Variants in PLPPR1 observed in about 807,000 individuals in gnomAD.
The protein encoded by PLPPR1 is phospholipid phosphatase-related protein type 1.
In PLPPR1, 10 loss-of-function variants were observed where a neutral mutation model predicts 33.1. The observed-to-expected ratio is 0.30, with a 90% CI of 0.19 to 0.51. The LOEUF (loss-of-function observed/expected upper bound fraction) is 0.51. Among genes scored for constraint, PLPPR1 ranks in the 20% least tolerant of loss-of-function variants. The pLI is 0.97. For synonymous variants in PLPPR1, 151 were observed against 151.0 expected, an observed-to-expected ratio of 1.00 and a Z score of 0.00; for missense variants, 304 against 408.1, an observed-to-expected ratio of 0.74 and a Z score of 2.20.
intron 1 of PLPPR1, among the ~76,000 whole-genome samples, chr9:101,148,411 G>A (rs1419624799): frequency 6.6e-6 from 1 of 152,176 alleles, no homozygotes; most frequent in Non-Finnish European, 1.5e-5. Context: ...GACCTGGAAT[G>A]TAGATCCTCC....
chr9:101,204,678 A>C (rs1293457290), intron 2 of PLPPR1, among the ~76,000 whole-genome samples: 1 of 152,112 alleles, frequency 6.6e-6, no homozygotes, highest in Non-Finnish European at 1.5e-5. Flanking sequence ...ATGGATTTCT[A>C]AGCTTCTCTA....
rs942131671 is a variant in PLPPR1 at position 101,153,628 on chromosome 9, G to A, written c.-45-31822G>A. Among the ~76,000 whole-genome samples the A allele has an allele frequency of 5.3e-5, 8 of 152,080 alleles. No homozygotes were observed. In the East Asian group the frequency reaches 5.8e-4, roughly 11 times the overall value. ...CTCGCTCTGTTTCCCATGCTGGAGC[G>A]CAGTGGCACAATGTTGGCTCACTGC... On this transcript the variant is annotated intron_variant, in intron 1 of 7. Coordinates refer to ENST00000374874, the MANE Select transcript of PLPPR1 (RefSeq NM_207299.2).
intron 1 of PLPPR1, among the ~76,000 whole-genome samples, chr9:101,090,964 T>C (rs556964082): frequency 3.3e-5 from 5 of 151,852 alleles, no homozygotes; most frequent in South Asian, 2.1e-4. Context: ...CCCTTTCTTT[T>C]CCCCTCCTCC....
chr9:101,274,900 T>C (rs956433134), intron 3 of PLPPR1, among the ~76,000 whole-genome samples: 1 of 152,172 alleles, frequency 6.6e-6, no homozygotes, highest in African/African-American at 2.4e-5. Flanking sequence ...AAAGAAATGG[T>C]TAGGCTAAAT....
At chr9:101,060,638 T>C (rs1438733674) in intron 1 of PLPPR1, among the ~76,000 whole-genome samples, 1 of 151,848 alleles carries the variant, frequency 6.6e-6, no homozygotes, top group African/African-American at 2.4e-5. Flanking sequence ...TATACAATAA[T>C]TTAGATAATT....
At chr9:101,309,627 T>G (rs1167909950) in intron 5 of PLPPR1, among the ~76,000 whole-genome samples, 166 bp downstream of exon 5, 1 of 152,084 alleles carries the variant, frequency 6.6e-6, no homozygotes, top group Non-Finnish European at 1.5e-5. Flanking sequence ...ACACACACAC[T>G]TCTACCCCAC....
At chr9:101,082,220 G>T (rs1374408721) in intron 1 of PLPPR1, among the ~76,000 whole-genome samples, 3 of 152,134 alleles carry the variant, frequency 2.0e-5, no homozygotes, top group Non-Finnish European at 2.9e-5. Context: ...TGTTGAAAAA[G>T]TGGTGTCTGA....
At chr9:101,243,197 G>C (rs2118851627) in intron 2 of PLPPR1, among the ~76,000 whole-genome samples, 1 of 152,164 alleles carries the variant, frequency 6.6e-6, no homozygotes, top group South Asian at 2.1e-4. Flanking sequence ...GGTTGGAAAG[G>C]TAGAGAGGAC....
chr9:101,147,518 C>T (rs192609605), intron 1 of PLPPR1, among the ~76,000 whole-genome samples: 48 of 151,588 alleles, frequency 3.2e-4, no homozygotes, highest in African/African-American at 8.7e-4. Flanking sequence ...ATTAAGAAGA[C>T]GGGAGAGCAA....
intron 4 of PLPPR1, among the ~76,000 whole-genome samples, chr9:101,287,223 T>C (rs1258263562): frequency 6.6e-6 from 1 of 152,180 alleles, no homozygotes; most frequent in Non-Finnish European, 1.5e-5. Context: ...GTCTCAGGCA[T>C]TTGATGTTAT....
chr9:101,052,259 A>T (rs1830230993), intron 1 of PLPPR1, among the ~76,000 whole-genome samples: 1 of 152,216 alleles, frequency 6.6e-6, no homozygotes, highest in Admixed American at 6.5e-5. Flanking sequence ...TTAAGACCGT[A>T]TGTATGGTCT....
chr9:101,256,120 T>TA (rs1245495008), intron 2 of PLPPR1, among the ~76,000 whole-genome samples: 5 of 152,150 alleles, frequency 3.3e-5, no homozygotes, highest in African/African-American at 1.2e-4. Flanking sequence ...TGTGCTTCCT[T>TA]AAAAAACAAC....
intron 2 of PLPPR1, 148 bp downstream of exon 2, chr9:101,185,705 C>T (rs1739600354): frequency 3.6e-6 from 2 of 555,336 alleles, no homozygotes; most frequent in Non-Finnish European, 6.2e-6. Context: ...ATAAACTATG[C>T]AAAGTGTTTC....
At chr9:101,217,788 T>G (rs1826832806) in intron 2 of PLPPR1, among the ~76,000 whole-genome samples, 1 of 152,172 alleles carries the variant, frequency 6.6e-6, no homozygotes, top group African/African-American at 2.4e-5. Flanking sequence ...TTGTCCAACC[T>G]CAATAATTCT....
intron 1 of PLPPR1, among the ~76,000 whole-genome samples, chr9:101,144,090 A>G (rs1188462664): frequency 6.6e-6 from 1 of 152,236 alleles, no homozygotes; most frequent in African/African-American, 2.4e-5. Context: ...GCAGTCATAA[A>G]AAAGGATGAG....
intron 2 of PLPPR1, among the ~76,000 whole-genome samples, chr9:101,217,490 T>C (rs1826824941): frequency 6.6e-6 from 1 of 152,240 alleles, no homozygotes; most frequent in South Asian, 2.1e-4. Flanking sequence ...TTCCCATTAA[T>C]TGTTTAACAA....
intron 1 of PLPPR1, among the ~76,000 whole-genome samples, chr9:101,041,951 A>G (rs1159753025): frequency 6.6e-6 from 1 of 152,220 alleles, no homozygotes; most frequent in Admixed American, 6.5e-5. Context: ...AGAGAATATG[A>G]TGGCCTAGAC....
chr9:101,170,974 A>C (rs1484889075), intron 1 of PLPPR1, among the ~76,000 whole-genome samples: 1 of 152,130 alleles, frequency 6.6e-6, no homozygotes, highest in Non-Finnish European at 1.5e-5. Context: ...ATTTAATTGC[A>C]GATCTGAAAA....
chr9:101,147,270 T>C lies in PLPPR1; in HGVS notation c.-45-38180T>C, dbSNP rs1394054810. Among the ~76,000 whole-genome samples the C allele has an allele frequency of 2.0e-5, 3 of 152,322 alleles. No individual in the cohort carries two copies. The East Asian group carries it at 5.8e-4, about 29-fold the overall frequency. The stretch of plus-strand genomic sequence containing the variant: ...AGGAATGTCTTGTATTTGTTCACAG[T>C]AAGGGCTCCTTGTGAGAATTACCCA... On this transcript the variant is annotated intron_variant, in intron 1 of 7. Coordinates refer to ENST00000374874, the MANE Select transcript of PLPPR1 (RefSeq NM_207299.2).
Sources: allele counts gnomAD v4.1 joint callset (sites outside exome capture counted in the v4.1 genomes callset), GRCh38; gene constraint gnomAD v4.1.1; transcripts MANE v1.5; gene names NCBI Gene and HGNC (gene_info 2026-07-23, HGNC 2026-07-21).